Variants in SHLD2 observed in about 807,000 individuals in gnomAD.
SHLD2 encodes shieldin complex subunit 2, also known as RINN1-REV7-interacting novel NHEJ regulator 2.
In SHLD2, 30 loss-of-function variants were observed where a neutral mutation model predicts 73.2. The observed-to-expected ratio is 0.41, with a 90% CI of 0.31 to 0.56. SHLD2 has a LOEUF of 0.56. Ranked by LOEUF, SHLD2 falls within the 20% of genes least tolerant of loss-of-function variation. SHLD2 has a pLI of 0.28. For missense variants in SHLD2, 745 were observed against 1,055.9 expected, an observed-to-expected ratio of 0.71 and a Z score of 4.08; for synonymous variants, 285 against 370.1, an observed-to-expected ratio of 0.77 and a Z score of 2.64.
intron 2 of SHLD2, among the ~76,000 whole-genome samples, chr10:87,098,266 C>T (rs1842034298): frequency 1.3e-5 from 2 of 151,958 alleles, no homozygotes; most frequent in Non-Finnish European, 1.5e-5. Context: ...GTAATCCCAG[C>T]ACTTTGGGAG....
intron 4 of SHLD2, among the ~76,000 whole-genome samples, chr10:87,160,801 C>T (rs1436116749): frequency 6.6e-6 from 1 of 151,684 alleles, no homozygotes; most frequent in African/African-American, 2.4e-5. Context: ...ACCAGCCTGG[C>T]CAACATAGCA....
intron 2 of SHLD2, among the ~76,000 whole-genome samples, chr10:87,144,847 C>T (rs1177991404): frequency 4.0e-5 from 6 of 150,304 alleles, no homozygotes; most frequent in African/African-American, 1.2e-4. Context: ...AGGATGGTCT[C>T]GATCTCCTGA....
chr10:87,114,768 G>T (rs1843141368), intron 2 of SHLD2, among the ~76,000 whole-genome samples: 1 of 151,972 alleles, frequency 6.6e-6, no homozygotes, highest in East Asian at 1.9e-4. Context: ...CAGTACTCTA[G>T]GGAAGAAATA....
chr10:87,180,372 A>T (rs536942675), intron 8 of SHLD2, 69 bp downstream of exon 8: 1 of 1,559,634 alleles, frequency 6.4e-7, no homozygotes, highest in African/African-American at 1.4e-5. Flanking sequence ...TAGTCTGTAA[A>T]CCCTTACTTT....
chr10:87,148,368 G>C (rs1399496203), intron 2 of SHLD2, among the ~76,000 whole-genome samples: 1 of 152,116 alleles, frequency 6.6e-6, no homozygotes, highest in Non-Finnish European at 1.5e-5. Context: ...CAAAAAAGCG[G>C]AATGTTTCAG....
rs149750669 is a variant in SHLD2 at position 87,189,721 on chromosome 10, C to T, written c.2516-763C>T. Among the ~76,000 whole-genome samples, 1,164 of 152,108 alleles carry T rather than the reference C, an allele frequency of 7.7e-3. 17 individuals are homozygous for T. Among genetic ancestry groups the T allele is most frequent in the African/African-American group, 0.027 (1,119 of 41,478 alleles). On this transcript the variant is annotated intron_variant, in intron 9 of 9. Coordinates refer to ENST00000298786, the MANE Select transcript of SHLD2 (RefSeq NM_001330112.2). ...CCTGCCAAATGTCTTGATTACATGT[C>T]CTAAAAAAGTGAGGGGAAGAGTGTA...
intron 4 of SHLD2, among the ~76,000 whole-genome samples, chr10:87,163,477 A>T (rs991138313): frequency 6.6e-6 from 1 of 152,214 alleles, no homozygotes; most frequent in African/African-American, 2.4e-5. Context: ...AAATAACTAC[A>T]CAGAAGCGGG....
At chr10:87,179,260 G>A (rs1265428964) in intron 7 of SHLD2, among the ~76,000 whole-genome samples, 1 of 152,150 alleles carries the variant, frequency 6.6e-6, no homozygotes, top group African/African-American at 2.4e-5. Flanking sequence ...CCTGAGAAAC[G>A]ATTAATAAAT....
chr10:87,172,983 A>G (rs1332386678), intron 6 of SHLD2, among the ~76,000 whole-genome samples: 1 of 150,332 alleles, frequency 6.7e-6, no homozygotes, highest in Non-Finnish European at 1.5e-5. Flanking sequence ...AAAAACTTCT[A>G]TTATAAAAGC....
At chr10:87,132,928 A>G (rs1425666534) in intron 2 of SHLD2, among the ~76,000 whole-genome samples, 2 of 152,206 alleles carry the variant, frequency 1.3e-5, no homozygotes, top group East Asian at 1.9e-4. Flanking sequence ...TTCATGAATT[A>G]TTTTCGTTAA....
In SHLD2 at chr10:87,170,898, G is replaced by A. The variant is rs373802734; in HGVS notation, c.1887G>A (p.Gln629=). ...AAAAAGTTATGTTAACAGTGGAACA[G>A]GCCCAAGATCAACATTATGCGCTTG... ...KQKKVMLTVE[Q]AQDQHYALVL... Residue 629 remains glutamine (Q), a synonymous_variant, in exon 6 of 10, where the codon CAG becomes CAA. Transcript: ENST00000298786. 149 of 1,609,072 alleles carry A rather than the reference G, an allele frequency of 9.3e-5. 1 individual carries two copies. The African/African-American group carries it at 1.6e-3, about 17-fold the overall frequency.
chr10:87,138,588 G>A (rs2134207491), intron 2 of SHLD2, among the ~76,000 whole-genome samples: 1 of 152,278 alleles, frequency 6.6e-6, no homozygotes, highest in East Asian at 1.9e-4. Context: ...GAACAAAAAG[G>A]AGGAGATGGA....
In SHLD2 at chr10:87,170,546, C is replaced by A; in HGVS notation, c.1702C>A (p.Leu568Ile). The change falls in exon 5 of 10, where the codon CTC becomes ATC. Residue 568 changes from leucine (L) to isoleucine (I), a missense_variant. By Grantham distance (5) the Leu-to-Ile change is conservative (BLOSUM62 2). This residue lies in a region of SHLD2 where 418 missense variants were observed against 567.8 expected (regional missense o/e 0.74). Coordinates refer to ENST00000298786, the MANE Select transcript of SHLD2 (RefSeq NM_001330112.2). ...ATATGTGTCCTCAAAACATTCCTAC[C>A]TCAGAGATCTTCCTCCGAGGCAGCC... ...LAYVSSKHSYLRDLPPRQPQR... is the reference protein window; with the variant it reads ...LAYVSSKHSYIRDLPPRQPQR... 1 of 1,613,382 alleles carries A rather than the reference C, an allele frequency of 6.2e-7. No individual in the cohort carries two copies. Among genetic ancestry groups the A allele is most frequent in the East Asian group, 2.2e-5 (1 of 44,862 alleles).
At chr10:87,178,996 T>C (rs1292014747) in intron 7 of SHLD2, among the ~76,000 whole-genome samples, 3 of 152,066 alleles carry the variant, frequency 2.0e-5, no homozygotes, top group Admixed American at 2.0e-4. Context: ...TGACCTGGAG[T>C]GTTCTTACTT....
chr10:87,095,464 C>T (rs1841766885), intron 1 of SHLD2, among the ~76,000 whole-genome samples: 1 of 152,104 alleles, frequency 6.6e-6, no homozygotes, highest in South Asian at 2.1e-4. Flanking sequence ...CCTGGCCTGT[C>T]CTCTGGCGGC....
chr10:87,098,628 T>C (rs1395918884), intron 2 of SHLD2, among the ~76,000 whole-genome samples: 4 of 152,222 alleles, frequency 2.6e-5, no homozygotes, highest in Non-Finnish European at 5.9e-5. Context: ...TCCAAAGTTA[T>C]ACTATTTATA....
At chr10:87,103,647 G>A (rs181505370) in intron 2 of SHLD2, among the ~76,000 whole-genome samples, 70 of 152,154 alleles carry the variant, frequency 4.6e-4, no homozygotes, top group African/African-American at 1.6e-3. Context: ...TTTCCTTTTA[G>A]TGAGCATGCT....
chr10:87,167,410 A>C (rs1001863232), intron 4 of SHLD2, among the ~76,000 whole-genome samples: 1 of 152,212 alleles, frequency 6.6e-6, no homozygotes, highest in African/African-American at 2.4e-5. Context: ...AATGGCTACC[A>C]GTGGACATTT....
chr10:87,131,993 G>A (rs925124440), intron 2 of SHLD2, among the ~76,000 whole-genome samples: 1 of 152,036 alleles, frequency 6.6e-6, no homozygotes, highest in South Asian at 2.1e-4. Flanking sequence ...TCATGTGCTT[G>A]TTGGCCATTT....
Sources: allele counts gnomAD v4.1 joint callset (sites outside exome capture counted in the v4.1 genomes callset), GRCh38; gene constraint gnomAD v4.1.1; regional missense constraint gnomAD v4.1.1; transcripts MANE v1.5; gene names NCBI Gene and HGNC (gene_info 2026-07-23, HGNC 2026-07-21).